Variants in NYAP2 observed in about 807,000 individuals in gnomAD.
NYAP2 encodes the protein neuronal tyrosine-phosphorylated phosphoinositide-3-kinase adapter 2.
Under a neutral mutation model 50.4 loss-of-function variants are expected in NYAP2, and 23 were observed. The observed-to-expected ratio is 0.46, with a 90% confidence interval of 0.33 to 0.65. The LOEUF (loss-of-function observed/expected upper bound fraction) is 0.65. Ranked by LOEUF, NYAP2 falls within the 30% of genes least tolerant of loss-of-function variation. NYAP2 has a pLI of 0.02. For missense variants in NYAP2, 885 were observed against 861.0 expected, an observed-to-expected ratio of 1.03 and a Z score of -0.35; for synonymous variants, 394 against 365.2, an observed-to-expected ratio of 1.08 and a Z score of -0.90.
At position 225,422,782 on chromosome 2, in the gene NYAP2, A is replaced by AG. The variant is rs113017990; in HGVS notation, c.221+13683dup. ...CGAGACAAGGAGAATAAAGGAGAAA[A>AG]GGAAACAAAGTAACAGAACGCTTCC... On this transcript the variant is annotated intron_variant, in intron 3 of 6. Coordinates refer to ENST00000636099, the Ensembl canonical transcript of NYAP2. Among the ~76,000 whole-genome samples the AG allele has an allele frequency of 1.1e-3, 163 of 152,220 alleles. 1 individual carries two copies. The highest frequency in any genetic ancestry group is 3.4e-3 in the Middle Eastern group (1 of 294).
In NYAP2 at chr2:225,553,270, A is replaced by G. The variant is rs1691713418; in HGVS notation, c.524-28671A>G. Among the ~76,000 whole-genome samples, 3 of 152,370 alleles carry G rather than the reference A, an allele frequency of 2.0e-5. No individual in the cohort carries two copies. In the South Asian group the frequency reaches 6.2e-4, roughly 32 times the overall value. Reference sequence around the variant, plus strand: ...AGTGAAAACAAGTAGTAAACCAGGAAGAAACAAGTTCCCCCTAGTTCCCCC... The same window carrying G: ...AGTGAAAACAAGTAGTAAACCAGGAGGAAACAAGTTCCCCCTAGTTCCCCC... On this transcript the variant is annotated intron_variant, in intron 4 of 6. Coordinates refer to ENST00000636099, the Ensembl canonical transcript of NYAP2.
intron 3 of NYAP2, among the ~76,000 whole-genome samples, chr2:225,419,983 C>T (rs948661116): frequency 2.0e-5 from 3 of 152,166 alleles, no homozygotes; most frequent in Admixed American, 2.0e-4. Context: ...CTTAAAATTA[C>T]ATGAGGATAA....
chr2:225,586,497 G>C (rs1574694761), intron 5 of NYAP2, among the ~76,000 whole-genome samples: 1 of 152,086 alleles, frequency 6.6e-6, no homozygotes, highest in Non-Finnish European at 1.5e-5. Context: ...TGTGCAGAGA[G>C]GTGAATGACA....
chr2:225,642,025 C>G (rs1484013943), intron 6 of NYAP2, among the ~76,000 whole-genome samples: 1 of 151,174 alleles, frequency 6.6e-6, no homozygotes, highest in African/African-American at 2.5e-5. Flanking sequence ...GATCAGTTAT[C>G]ATGTTACTCA....
chr2:225,685,271 C>T, the NYAP2 span, among the ~76,000 whole-genome samples: 1 of 151,948 alleles, frequency 6.6e-6, no homozygotes, highest in African/African-American at 2.4e-5. Context: ...TGGTCAAGCC[C>T]ATATATACTA....
intron 3 of NYAP2, among the ~76,000 whole-genome samples, chr2:225,424,298 G>A (rs574691589): frequency 5.1e-4 from 78 of 152,088 alleles, no homozygotes; most frequent in Non-Finnish European, 1.0e-3. Flanking sequence ...AATCTCATCT[G>A]CTTACTTTCT....
At chr2:225,694,118 C>A in the NYAP2 span, among the ~76,000 whole-genome samples, 1 of 151,922 alleles carries the variant, frequency 6.6e-6, no homozygotes, top group Non-Finnish European at 1.5e-5. Context: ...TACATTTTTT[C>A]TTTTCTTCAT....
At chr2:225,446,388 A>G (rs1257160396) in intron 3 of NYAP2, among the ~76,000 whole-genome samples, 1 of 151,394 alleles carries the variant, frequency 6.6e-6, no homozygotes, top group African/African-American at 2.4e-5. Flanking sequence ...AACAAAAAAT[A>G]CTCTCCAGGG....
chr2:225,507,285 C>A (rs979960512), intron 3 of NYAP2, among the ~76,000 whole-genome samples: 3 of 152,182 alleles, frequency 2.0e-5, no homozygotes, highest in African/African-American at 4.8e-5. Flanking sequence ...AGAAGCAACA[C>A]CCCTGTCACT....
chr2:225,578,354 A>G (rs1220149670), intron 4 of NYAP2, among the ~76,000 whole-genome samples: 2 of 152,138 alleles, frequency 1.3e-5, no homozygotes, highest in Admixed American at 6.5e-5. Context: ...GGAAGAGGGA[A>G]GAAGCTTGCC....
chr2:225,625,002 T>C (rs557803444), intron 5 of NYAP2, among the ~76,000 whole-genome samples: 1 of 129,914 alleles, frequency 7.7e-6, no homozygotes, highest in South Asian at 2.5e-4. Flanking sequence ...ACATTTGTGT[T>C]ATCACACTGC....
intron 6 of NYAP2, among the ~76,000 whole-genome samples, chr2:225,648,646 C>T (rs1413778571): frequency 1.3e-5 from 2 of 151,768 alleles, no homozygotes; most frequent in African/African-American, 4.8e-5. Context: ...AGATTTGGAC[C>T]CTAAGACTTT....
chr2:225,446,235 T>TATATA, intron 3 of NYAP2, among the ~76,000 whole-genome samples: 2 of 101,260 alleles, frequency 2.0e-5, no homozygotes, highest in African/African-American at 9.1e-5. Context: ...TCTCTCTCTC[T>TATATA]CTCTCTCTCT....
At chr2:225,452,580 C>T (rs1185058518) in intron 3 of NYAP2, among the ~76,000 whole-genome samples, 1 of 152,144 alleles carries the variant, frequency 6.6e-6, no homozygotes, top group Non-Finnish European at 1.5e-5. Flanking sequence ...AGACATTTCT[C>T]ACTCCTTTTT....
intron 4 of NYAP2, among the ~76,000 whole-genome samples, chr2:225,556,636 T>C (rs1691780731): frequency 6.6e-6 from 1 of 152,192 alleles, no homozygotes; most frequent in Non-Finnish European, 1.5e-5. Context: ...AATATTATTC[T>C]ATTGATCAGA....
rs563597664 is a variant in NYAP2, at chr2:225,422,264, A to G, written c.221+13163A>G. The stretch of plus-strand genomic sequence containing the variant: ...CTACCCAGTAAAAGGCTTTTTAGCA[A>G]ATCATACTGAATCTCATTAATAAAG... On this transcript the variant is annotated intron_variant, in intron 3 of 6. Coordinates refer to ENST00000636099, the Ensembl canonical transcript of NYAP2. Among the ~76,000 whole-genome samples, 34 of 152,316 alleles carry G rather than the reference A, an allele frequency of 2.2e-4. 2 individuals are homozygous for G. In the Middle Eastern group the frequency reaches 0.027, roughly 122 times the overall value.
chr2:225,429,725 G>A (rs751625224), intron 3 of NYAP2, among the ~76,000 whole-genome samples: 2 of 152,180 alleles, frequency 1.3e-5, no homozygotes, highest in African/African-American at 2.4e-5. Flanking sequence ...AAGCCCATGC[G>A]TAAGTGCTGA....
At chr2:225,695,077 C>G in the NYAP2 span, among the ~76,000 whole-genome samples, 1 of 151,690 alleles carries the variant, frequency 6.6e-6, no homozygotes, top group African/African-American at 2.4e-5. Context: ...TCTTATTCTT[C>G]TATTCTTTAG....
intron 3 of NYAP2, among the ~76,000 whole-genome samples, chr2:225,484,449 A>T (rs1690256397): frequency 6.6e-6 from 1 of 152,174 alleles, no homozygotes; most frequent in Admixed American, 6.5e-5. Context: ...CATTTTATCA[A>T]ATTTCATTTA....
Sources: allele counts gnomAD v4.1 joint callset (sites outside exome capture counted in the v4.1 genomes callset), GRCh38; gene constraint gnomAD v4.1.1; transcripts MANE v1.5; gene names NCBI Gene and HGNC (gene_info 2026-07-23, HGNC 2026-07-21).